DAGLA: variants seen among roughly 807,000 people sequenced by gnomAD.
DAGLA encodes diacylglycerol lipase-alpha.
DAGLA carries 22 observed loss-of-function variants against 102.6 expected under a neutral mutation model. That is an observed-to-expected ratio of 0.21 (90% CI 0.15 to 0.31). DAGLA has a LOEUF of 0.31. Ranked by LOEUF, DAGLA falls within the 10% of genes least tolerant of loss-of-function variation. The probability of loss-of-function intolerance (pLI) is 1.00; values close to 1 mark genes in which losing one functional copy is unlikely to be tolerated. For missense variants in DAGLA, 927 were observed against 1,446.6 expected (o/e 0.64, Z 5.83); for synonymous variants, 578 against 628.9 (o/e 0.92, Z 1.21).
At chr11:61,733,588 A>C (rs112348089) in intron 9 of DAGLA, among the ~76,000 whole-genome samples, 4 of 152,206 alleles carry the variant, frequency 2.6e-5, no homozygotes, top group Non-Finnish European at 5.9e-5. Context: ...GTGCCTTAGC[A>C]GTTGGATGCT....
intron 7 of DAGLA, 73 bp downstream of exon 7, chr11:61,728,360 C>T: frequency 1.3e-6 from 2 of 1,569,102 alleles, no homozygotes; most frequent in South Asian, 1.1e-5. Context: ...CCCTGTGGCC[C>T]CTGCAGCGGA....
chr11:61,725,975 C>T lies in DAGLA; in HGVS notation c.549-20C>T, dbSNP rs369845312. 2.8e-5 allele frequency: 45 copies of T among 1,611,020 alleles called. No individual in the cohort carries two copies. The highest frequency in any genetic ancestry group is 3.2e-5 in the Non-Finnish European group (38 of 1,178,164). ...GTCCAGCCCTCTGACCTCACACATACCGCCTCTCCTGCTTTGCAGGCACCG... is the reference window on the plus strand; with the variant it reads ...GTCCAGCCCTCTGACCTCACACATATCGCCTCTCCTGCTTTGCAGGCACCG... On this transcript the variant is annotated intron_variant, in intron 5 of 19. Transcript: ENST00000257215.
intron 14 of DAGLA, 98 bp downstream of exon 14, chr11:61,737,422 T>C: frequency 6.5e-7 from 1 of 1,538,060 alleles, no homozygotes; most frequent in Non-Finnish European, 8.9e-7. Context: ...GTCTGACTTC[T>C]GGTCACATGG....
chr11:61,727,083 AAGAT>A (rs1475770463), intron 6 of DAGLA, among the ~76,000 whole-genome samples: 1 of 152,216 alleles, frequency 6.6e-6, no homozygotes, highest in African/African-American at 2.4e-5. Context: ...GTCTGGGGAA[AAGAT>A]AGCACATCAC....
intron 1 of DAGLA, among the ~76,000 whole-genome samples, chr11:61,719,325 T>C (rs889718759): frequency 4.6e-5 from 7 of 151,692 alleles, no homozygotes; most frequent in African/African-American, 1.7e-4. Flanking sequence ...CCAGGAGGGG[T>C]GTGACCCTGC....
intron 3 of DAGLA, among the ~76,000 whole-genome samples, chr11:61,722,386 G>A (rs1446056417): frequency 6.6e-6 from 1 of 152,208 alleles, no homozygotes; most frequent in Non-Finnish European, 1.5e-5. Flanking sequence ...AGGAGTTCAA[G>A]ACCAGCCTGG....
rs775384545 is a variant in DAGLA, at chr11:61,741,177, A to G, written c.1999A>G (p.Asn667Asp). 1.9e-6 allele frequency: 3 copies of G among 1,612,842 alleles called. No individual in the cohort carries two copies. In the Admixed American group the frequency reaches 5.0e-5, roughly 27 times the overall value. The change falls in exon 19 of 20, where the codon AAC becomes GAC. Residue 667 changes from asparagine (N) to aspartate (D), a missense_variant. Transcript: ENST00000257215. Reference protein sequence around the residue: ...EGLNKVLENYNKGKTALLSAA... With the variant: ...EGLNKVLENYDKGKTALLSAA... ...CTGTCCTCAGGTGCTGGAGAACTACAACAAGGGGAAGACCGCTCTGCTCTC... is the reference window on the plus strand; with the variant it reads ...CTGTCCTCAGGTGCTGGAGAACTACGACAAGGGGAAGACCGCTCTGCTCTC...
At position 61,684,679 on chromosome 11, in the gene DAGLA, C is replaced by A. The variant is rs1048068111; in HGVS notation, c.-45+4175C>A. Among the ~76,000 whole-genome samples the A allele has an allele frequency of 1.2e-4, 19 of 152,052 alleles. No homozygotes were observed. Among genetic ancestry groups the A allele is most frequent in the African/African-American group, 4.3e-4 (18 of 41,380 alleles). On this transcript the variant is annotated intron_variant, in intron 1 of 19. Coordinates refer to ENST00000257215, the MANE Select transcript of DAGLA (RefSeq NM_006133.3). This position sits in a 1 kb window ranked among gnomAD's most constrained non-coding sequence, Gnocchi z 4.5. ...GGGCTGTTATTACCGCGGGGCTGCC[C>A]GGGGAGTGCACGTGTGTAAAGTTGC... is the stretch of plus-strand genomic sequence containing the variant.
chr11:61,683,468 C>T (rs953713482), intron 1 of DAGLA, among the ~76,000 whole-genome samples: 3 of 152,236 alleles, frequency 2.0e-5, no homozygotes, highest in Non-Finnish European at 4.4e-5. Context: ...CTGGAAAGCT[C>T]TCTTAAGTGC....
chr11:61,706,217 G>T (rs2065148105), intron 1 of DAGLA, among the ~76,000 whole-genome samples: 1 of 152,238 alleles, frequency 6.6e-6, no homozygotes, highest in African/African-American at 2.4e-5. Flanking sequence ...TGGGGGCGGG[G>T]AAGGGACTCA....
chr11:61,709,932 C>T (rs2065180039), intron 1 of DAGLA, among the ~76,000 whole-genome samples: 2 of 152,158 alleles, frequency 1.3e-5, no homozygotes, highest in African/African-American at 4.8e-5. Flanking sequence ...CACCTTTGAG[C>T]AGCAGGCACC....
At chr11:61,711,755 T>C (rs1261658022) in intron 1 of DAGLA, among the ~76,000 whole-genome samples, 8 of 152,194 alleles carry the variant, frequency 5.3e-5, no homozygotes, top group Non-Finnish European at 8.8e-5. Flanking sequence ...AGCTGGAGCC[T>C]TGGTAATAAA....
chr11:61,744,077 C>A lies in DAGLA; in HGVS notation c.2717C>A (p.Pro906His). ...ALHNGRLGDSPSPQVLEFAEF... is the reference protein window; with the variant it reads ...ALHNGRLGDSHSPQVLEFAEF... ...CACAATGGGCGCCTGGGGGACTCGC[C>A]CAGTCCTCAGGTGCTGGAATTCGCC... The change falls in exon 20 of 20, where the codon CCC becomes CAC. Residue 906 changes from proline to histidine, a missense_variant. Coordinates refer to ENST00000257215, the MANE Select transcript of DAGLA (RefSeq NM_006133.3). The A allele has an allele frequency of 6.2e-7, 1 of 1,612,862 alleles. No individual in the cohort carries two copies. The highest frequency in any genetic ancestry group is 1.1e-5 in the South Asian group (1 of 91,086).
chr11:61,736,137 C>T (rs2065421345), intron 12 of DAGLA, 133 bp from the exon 13 acceptor site: 5 of 719,532 alleles, frequency 6.9e-6, no homozygotes, highest in Non-Finnish European at 1.2e-5. Context: ...TCTGCCAGCC[C>T]CCACAGCTGG....
chr11:61,735,716 C>T, intron 11 of DAGLA, 23 bp from the exon 12 acceptor site: 1 of 1,613,168 alleles, frequency 6.2e-7, no homozygotes, highest in East Asian at 2.2e-5. Flanking sequence ...GCCGCCCCCT[C>T]ACCTGTCTCC....
intron 1 of DAGLA, among the ~76,000 whole-genome samples, chr11:61,685,676 A>G (rs2064981146): frequency 6.6e-6 from 1 of 152,154 alleles, no homozygotes; most frequent in African/African-American, 2.4e-5. Flanking sequence ...GAGTGATGCC[A>G]GAGGTCAAAG....
chr11:61,734,478 G>T lies in DAGLA; in HGVS notation c.975-371G>T, dbSNP rs889636733. Among the ~76,000 whole-genome samples the T allele has an allele frequency of 2.0e-5, 3 of 152,096 alleles. No individual in the cohort carries two copies. The highest frequency in any genetic ancestry group is 7.2e-5 in the African/African-American group (3 of 41,394). Reference sequence around the variant, plus strand: ...GTGGATTCCTGAGCATGCAGATGGTGTCTAAAACACAAGACTGCATGAGTG... The same window carrying T: ...GTGGATTCCTGAGCATGCAGATGGTTTCTAAAACACAAGACTGCATGAGTG... On this transcript the variant is annotated intron_variant, in intron 9 of 19. Transcript: ENST00000257215. This position sits in a 1 kb window ranked among gnomAD's most constrained non-coding sequence, Gnocchi z 4.2.
intron 19 of DAGLA, among the ~76,000 whole-genome samples, chr11:61,742,528 C>T (rs1382747082): frequency 1.3e-5 from 2 of 152,204 alleles, no homozygotes; most frequent in Admixed American, 6.5e-5. Flanking sequence ...GCAAGCCACC[C>T]ACTCCCTGCC....
intron 2 of DAGLA, 135 bp downstream of exon 2, chr11:61,720,385 G>A (rs2065271746): frequency 1.2e-6 from 1 of 862,424 alleles, no homozygotes. Flanking sequence ...CGGAGGAGGT[G>A]CCTGAAACAT....
Sources: allele counts gnomAD v4.1 joint callset (sites outside exome capture counted in the v4.1 genomes callset), GRCh38; gene constraint gnomAD v4.1.1; non-coding constraint Gnocchi (gnomAD v3.1); transcripts MANE v1.5; gene names NCBI Gene and HGNC (gene_info 2026-07-23, HGNC 2026-07-21).